TMEM164: variants seen among roughly 807,000 people sequenced by gnomAD.
The protein encoded by TMEM164 is RP13-360B22.2.
Under a neutral mutation model 18.8 loss-of-function variants are expected in TMEM164, and 4 were observed. The observed-to-expected ratio is 0.21, with a 90% confidence interval of 0.10 to 0.49. The LOEUF (loss-of-function observed/expected upper bound fraction) is 0.49, where lower values mean the gene tolerates loss of function less well. Among genes scored for constraint, TMEM164 ranks in the 20% least tolerant of loss-of-function variants. The pLI is 0.98. For synonymous variants in TMEM164, 86 were observed against 101.7 expected, an observed-to-expected ratio of 0.85 and a Z score of 0.93; for missense variants, 108 against 239.9, an observed-to-expected ratio of 0.45 and a Z score of 3.63.
At chrX:110,048,225 C>T (rs1044558359) in intron 2 of TMEM164, among the ~76,000 whole-genome samples, 3 of 111,815 alleles carry the variant, frequency 2.7e-5, no homozygotes, top group Non-Finnish European at 5.7e-5. Context: ...GTCATTTAAG[C>T]CTTTAGCTAT....
At chrX:110,122,592 T>A (rs1328499515) in intron 4 of TMEM164, among the ~76,000 whole-genome samples, 1 of 110,709 alleles carries the variant, frequency 9.0e-6, no homozygotes, top group Non-Finnish European at 1.9e-5. Context: ...TAAAATAAAA[T>A]AAAAAAATAA....
intron 4 of TMEM164, among the ~76,000 whole-genome samples, chrX:110,139,444 G>C (rs2066737912): frequency 8.9e-6 from 1 of 111,797 alleles, no homozygotes; most frequent in Non-Finnish European, 1.9e-5. Flanking sequence ...GCGAGGATGG[G>C]GAAGGTCTGA....
At chrX:110,145,936 C>G (rs779937070) in intron 5 of TMEM164, among the ~76,000 whole-genome samples, 1 of 112,273 alleles carries the variant, frequency 8.9e-6, no homozygotes, top group African/African-American at 3.2e-5. Context: ...TATCAGTTCT[C>G]CATACTTGCC....
chrX:110,144,724 G>C (rs1288271188), intron 4 of TMEM164, 74 bp from the exon 5 acceptor site: 1 of 844,696 alleles, frequency 1.2e-6, no homozygotes, highest in African/African-American at 2.0e-5. Context: ...GAACAGCAGG[G>C]GAGGTCAACT....
chrX:110,162,417 G>A lies in TMEM164; in HGVS notation c.587-9003G>A, dbSNP rs753089871. ...GCCTTAGCCACAGGCTGGGTGGCCA[G>A]TCAGCCCCAACTAGGCTCTTCCAGG... On this transcript the variant is annotated intron_variant, in intron 5 of 6. Coordinates refer to ENST00000372068, the MANE Select transcript of TMEM164 (RefSeq NM_032227.4). 3.6e-5 allele frequency among the ~76,000 whole-genome samples: 4 copies of A among 112,416 alleles called. No individual in the cohort carries two copies. In the South Asian group the frequency reaches 1.5e-3, roughly 41 times the overall value.
intron 4 of TMEM164, among the ~76,000 whole-genome samples, chrX:110,138,967 A>G (rs2066729747): frequency 8.9e-6 from 1 of 111,975 alleles, no homozygotes; most frequent in African/African-American, 3.3e-5. Context: ...TGAAAATGTG[A>G]TTGAATTGGA....
intron 2 of TMEM164, among the ~76,000 whole-genome samples, chrX:110,056,513 GT>G (rs1935840550): frequency 8.9e-6 from 1 of 112,125 alleles, no homozygotes. Flanking sequence ...GTGCACATAG[GT>G]TTTTATTTCC....
At chrX:110,093,703 T>C (rs2065969284) in intron 3 of TMEM164, among the ~76,000 whole-genome samples, 2 of 111,576 alleles carry the variant, frequency 1.8e-5, no homozygotes, top group Non-Finnish European at 3.8e-5. Flanking sequence ...TCTCCTCTGA[T>C]CTTAGTTATT....
In TMEM164 at chrX:110,109,064, C is replaced by T. The variant is rs1238594524; in HGVS notation, c.441-16C>T. The T allele has an allele frequency of 1.7e-5, 21 of 1,206,246 alleles. No homozygotes were observed. The highest frequency in any genetic ancestry group is 2.3e-4 in the Middle Eastern group (1 of 4,346). Reference sequence around the variant, plus strand: ...GGTCTGAGTATGACCTGAACTTTATCTTTCTCCCCCTCTAGGCTACAGATG... The same window carrying T: ...GGTCTGAGTATGACCTGAACTTTATTTTTCTCCCCCTCTAGGCTACAGATG... On this transcript the variant is annotated splice_polypyrimidine_tract_variant and intron_variant, in intron 3 of 6. Coordinates refer to ENST00000372068, the MANE Select transcript of TMEM164 (RefSeq NM_032227.4).
intron 2 of TMEM164, among the ~76,000 whole-genome samples, chrX:110,009,916 C>T (rs1314351282): frequency 9.2e-6 from 1 of 109,091 alleles, no homozygotes; most frequent in African/African-American, 3.4e-5. Flanking sequence ...TCGCTTGAAC[C>T]GAGGAGGCAG....
In TMEM164 at chrX:110,090,263, C is replaced by CT. The variant is rs991367240; in HGVS notation, c.441-18806dup. Among the ~76,000 whole-genome samples the CT allele has an allele frequency of 3.5e-3, 359 of 103,050 alleles. 1 individual carries two copies. The highest frequency in any genetic ancestry group is 8.8e-3 in the African/African-American group (251 of 28,602). 89.5% of individuals were successfully genotyped at this position (103,050 alleles called of 115,157 possible). ...AGCCAAGCCCCCCTGTTCTACTTAT[C>CT]TTTTTTTTTTTCTTTACTTGCTTGT... On this transcript the variant is annotated intron_variant, in intron 3 of 6. Transcript: ENST00000372068.
At chrX:110,025,234 C>A (rs1482062814) in intron 2 of TMEM164, among the ~76,000 whole-genome samples, 1 of 111,556 alleles carries the variant, frequency 9.0e-6, no homozygotes, top group African/African-American at 3.3e-5. Flanking sequence ...GAAGGAGAAG[C>A]CCTAACAGGT....
At chrX:110,183,211 G>A (rs1208468109), downstream of TMEM164, among the ~76,000 whole-genome samples, 2 of 112,230 alleles carry the variant, frequency 1.8e-5, no homozygotes, top group African/African-American at 6.5e-5. Flanking sequence ...GAGCACTGCC[G>A]TCAGAACTCA....
intron 2 of TMEM164, among the ~76,000 whole-genome samples, chrX:110,039,234 C>A (rs1934985815): frequency 8.9e-6 from 1 of 112,502 alleles, no homozygotes; most frequent in Non-Finnish European, 1.9e-5. Context: ...TTTGTAACAA[C>A]CACAGGGTTA....
At chrX:110,037,977 T>G (rs1934894389) in intron 2 of TMEM164, among the ~76,000 whole-genome samples, 1 of 107,654 alleles carries the variant, frequency 9.3e-6, no homozygotes, top group African/African-American at 3.5e-5. Flanking sequence ...GAACAGCCTT[T>G]GGACTCATTT....
chrX:110,037,280 G>A (rs895818356), intron 2 of TMEM164, among the ~76,000 whole-genome samples: 24 of 111,403 alleles, frequency 2.2e-4, no homozygotes, highest in African/African-American at 7.9e-4. Flanking sequence ...TGATACGATT[G>A]GTGATAGGGA....
intron 3 of TMEM164, among the ~76,000 whole-genome samples, chrX:110,093,343 AT>A (rs1342823227): frequency 1.8e-5 from 2 of 111,704 alleles, no homozygotes; most frequent in Non-Finnish European, 3.8e-5. Flanking sequence ...TTGATAGGCT[AT>A]TAATTATTGC....
intron 2 of TMEM164, among the ~76,000 whole-genome samples, chrX:110,031,778 CT>C (rs1323881872): frequency 9.0e-6 from 1 of 110,738 alleles, no homozygotes; most frequent in African/African-American, 3.3e-5. Context: ...TCCTTTCCCC[CT>C]ACCTTTCCCC....
intron 4 of TMEM164, among the ~76,000 whole-genome samples, chrX:110,109,910 A>G (rs762027382): frequency 8.9e-6 from 1 of 112,729 alleles, no homozygotes; most frequent in Non-Finnish European, 1.9e-5. Context: ...GAAGCTCAGA[A>G]AAAGAAATCA....
Sources: gnomAD v4.1 joint callset for allele counts (sites outside exome capture counted in the v4.1 genomes callset) on GRCh38, gnomAD v4.1.1 for gene constraint, MANE v1.5 for transcripts, NCBI Gene and HGNC (gene_info 2026-07-23, HGNC 2026-07-21) for gene names.